Variants in SHOC1 observed in about 807,000 individuals in gnomAD.
SHOC1 encodes protein shortage in chiasmata 1 ortholog.
SHOC1 carries 136 observed loss-of-function variants against 179.2 expected under a neutral mutation model. That is an observed-to-expected ratio of 0.76 (90% CI 0.66 to 0.87). The LOEUF is 0.87. Ranked by LOEUF, SHOC1 falls within the 40% of genes least tolerant of loss-of-function variation. The pLI, the probability that SHOC1 is intolerant of heterozygous loss-of-function variation, is 0.00. For synonymous variants in SHOC1, 489 were observed against 586.6 expected, an observed-to-expected ratio of 0.83 and a Z score of 2.41; for missense variants, 1,538 against 1,700.8, an observed-to-expected ratio of 0.90 and a Z score of 1.68.
intron 1 of SHOC1, among the ~76,000 whole-genome samples, chr9:111,792,887 C>CT (rs557546500): frequency 0.026 from 3,753 of 145,792 alleles, 160 homozygotes; most frequent in African/African-American, 0.086. Flanking sequence ...TATCACTGAT[C>CT]TTTTTTTTTT....
intron 23 of SHOC1, among the ~76,000 whole-genome samples, chr9:111,700,708 G>A (rs1831930496): frequency 1.3e-5 from 2 of 151,808 alleles, no homozygotes; most frequent in Non-Finnish European, 2.9e-5. Context: ...TTCTTTCTCA[G>A]ATTAGCTGTT....
At chr9:111,706,038 C>T (rs1255926133) in intron 20 of SHOC1, among the ~76,000 whole-genome samples, 2 of 152,172 alleles carry the variant, frequency 1.3e-5, no homozygotes, top group Non-Finnish European at 2.9e-5. Flanking sequence ...GAGAGAGATG[C>T]ACTCTCACAC....
At chr9:111,782,506 C>T (rs1005173538) in intron 3 of SHOC1, among the ~76,000 whole-genome samples, 1 of 152,038 alleles carries the variant, frequency 6.6e-6, no homozygotes, top group Non-Finnish European at 1.5e-5. Context: ...CTCTCTTTCT[C>T]TTGTACTAAC....
intron 27 of SHOC1, among the ~76,000 whole-genome samples, chr9:111,690,157 C>G (rs1279820121): frequency 6.6e-6 from 1 of 152,140 alleles, no homozygotes; most frequent in Non-Finnish European, 1.5e-5. Flanking sequence ...GGCCAGGTGG[C>G]TCACTCCTGT....
Position 111,686,746 on chromosome 9 carries a change from A to G in SHOC1, c.*24T>C. 6.9e-7 allele frequency: 1 copy of G among 1,451,252 alleles called. No homozygotes were observed. The highest frequency in any genetic ancestry group is 1.1e-5 in the South Asian group (1 of 87,334). The allele number at this position is 1,451,252 out of a possible 1,614,324, so 89.9% of individuals were successfully genotyped here. A position where few individuals can be genotyped will look rare whatever the true frequency, so the allele number is the denominator to read the frequency against. The stretch of plus-strand genomic sequence containing the variant: ...AGCATCAAAAACAGTGGAATATGGC[A>G]TGTAACATTGCTCTTCTCCTCCTTC... On this transcript the variant is annotated 3_prime_UTR_variant, in exon 28 of 28. Coordinates refer to ENST00000682961, the MANE Select transcript of SHOC1 (RefSeq NM_001378211.1).
At chr9:111,792,494 C>T (rs1419345529) in intron 1 of SHOC1, among the ~76,000 whole-genome samples, 1 of 151,996 alleles carries the variant, frequency 6.6e-6, no homozygotes, top group Non-Finnish European at 1.5e-5. Flanking sequence ...CCCAGGTACC[C>T]GAGAGGCTGA....
intron 8 of SHOC1, among the ~76,000 whole-genome samples, chr9:111,755,027 G>C (rs1313964807): frequency 6.6e-6 from 1 of 152,140 alleles, no homozygotes. Context: ...CAACCCAAAG[G>C]TACCTGGGAC....
intron 5 of SHOC1, among the ~76,000 whole-genome samples, chr9:111,764,114 A>G (rs1835255877): frequency 6.6e-6 from 1 of 151,172 alleles, no homozygotes; most frequent in Non-Finnish European, 1.5e-5. Flanking sequence ...CATCCTGTTC[A>G]GTCCCACCAA....
intron 5 of SHOC1, among the ~76,000 whole-genome samples, chr9:111,769,991 T>TTTTTTTTTTTTTTTTG (rs1835527589): frequency 7.0e-6 from 1 of 142,928 alleles, no homozygotes; most frequent in African/African-American, 2.6e-5. Flanking sequence ...TTTTTGTTTT[T>TTTTTTTTTTTTTTTTG]TTTTTTTTTT....
intron 5 of SHOC1, among the ~76,000 whole-genome samples, chr9:111,765,884 G>C (rs1337806588): frequency 6.6e-6 from 1 of 151,826 alleles, no homozygotes; most frequent in Non-Finnish European, 1.5e-5. Context: ...CAGCTTAGAG[G>C]CAGGGTTTCA....
At chr9:111,691,025 G>A (rs1831401864) in intron 27 of SHOC1, among the ~76,000 whole-genome samples, 1 of 152,122 alleles carries the variant, frequency 6.6e-6, no homozygotes, top group African/African-American at 2.4e-5. Flanking sequence ...CTAGAAACAA[G>A]AAAATTAAAT....
At chr9:111,766,656 G>C (rs1465061950) in intron 5 of SHOC1, among the ~76,000 whole-genome samples, 1 of 152,088 alleles carries the variant, frequency 6.6e-6, no homozygotes, top group Non-Finnish European at 1.5e-5. Flanking sequence ...CTGTTGCCCA[G>C]GCTGGAGTGC....
intron 18 of SHOC1, among the ~76,000 whole-genome samples, chr9:111,711,371 G>A (rs1832541865): frequency 6.6e-6 from 1 of 152,154 alleles, no homozygotes; most frequent in Non-Finnish European, 1.5e-5. Flanking sequence ...GGGAAGACGG[G>A]ATGAGGCCTT....
intron 16 of SHOC1, among the ~76,000 whole-genome samples, chr9:111,717,270 T>C (rs1412383635): frequency 6.6e-6 from 1 of 152,164 alleles, no homozygotes; most frequent in African/African-American, 2.4e-5. Flanking sequence ...CTCTAAATTA[T>C]AAAACATAAT....
intron 8 of SHOC1, among the ~76,000 whole-genome samples, chr9:111,752,786 AAAC>A (rs1414321665): frequency 6.6e-6 from 1 of 152,250 alleles, no homozygotes; most frequent in East Asian, 1.9e-4. Flanking sequence ...GGAAATTTTA[AAAC>A]AATATCTGAA....
chr9:111,741,366 T>C, intron 11 of SHOC1, 110 bp downstream of exon 11: 1 of 599,058 alleles, frequency 1.7e-6, no homozygotes, highest in Non-Finnish European at 3.0e-6. Flanking sequence ...TAGGCGAAGT[T>C]ATATATTCTG....
intron 26 of SHOC1, 98 bp from the exon 27 acceptor site, chr9:111,692,609 T>C (rs1274150094): frequency 1.2e-5 from 9 of 753,188 alleles, no homozygotes; most frequent in Non-Finnish European, 1.9e-5. Flanking sequence ...ATAGGTAGTC[T>C]ATTCATAGAT....
At chr9:111,769,986 G>GTTTTTTTTTCTTTTTTTTTTTCTTT in intron 5 of SHOC1, among the ~76,000 whole-genome samples, 1 of 77,662 alleles carries the variant, frequency 1.3e-5, no homozygotes, top group Non-Finnish European at 2.4e-5. Flanking sequence ...TTTTTTTTTT[G>GTTTTTTTTTCTTTTTTTTTTTCTTT]TTTTTTTTTT....
At chr9:111,756,126 A>G (rs528903847) in intron 8 of SHOC1, among the ~76,000 whole-genome samples, 199 bp downstream of exon 8, 33 of 151,978 alleles carry the variant, frequency 2.2e-4, no homozygotes, top group Non-Finnish European at 4.3e-4. Flanking sequence ...TTGTCTCGAC[A>G]ACAACAACAA....
Sources: allele counts gnomAD v4.1 joint callset (sites outside exome capture counted in the v4.1 genomes callset), GRCh38; gene constraint gnomAD v4.1.1; transcripts MANE v1.5; gene names NCBI Gene and HGNC (gene_info 2026-07-23, HGNC 2026-07-21).